Variants in ASTN1 observed in about 807,000 individuals in gnomAD.
The protein encoded by ASTN1 is astrotactin 1.
Under a neutral mutation model 140.7 loss-of-function variants are expected in ASTN1, and 41 were observed. The ratio of observed to expected loss-of-function variants is 0.29; its 90% CI spans 0.23 to 0.38. ASTN1 has a LOEUF of 0.38. Among genes scored for constraint, ASTN1 ranks in the 10% least tolerant of loss-of-function variants. ASTN1 has a pLI of 1.00. For synonymous variants in ASTN1, 640 were observed against 652.2 expected (o/e 0.98, Z 0.29); for missense variants, 1,479 against 1,678.8 (o/e 0.88, Z 2.08).
intron 20 of ASTN1, among the ~76,000 whole-genome samples, chr1:176,879,688 A>G (rs1668709224): frequency 2.0e-5 from 3 of 152,170 alleles, no homozygotes. Context: ...TAATTCTCAC[A>G]TTACCCCAAT....
At position 176,882,956 on chromosome 1, in the gene ASTN1, C is replaced by T; in HGVS notation, c.3265G>A (p.Ala1089Thr). 2.5e-6 allele frequency: 4 copies of T among 1,614,086 alleles called. No homozygotes were observed. Among genetic ancestry groups the T allele is most frequent in the Non-Finnish European group, 3.4e-6 (4 of 1,180,008 alleles). Residue 1089 changes from alanine to threonine, a missense_variant, in exon 20 of 23, where the codon GCA (alanine) becomes ACA (threonine). By Grantham distance (58) the Ala-to-Thr change is moderately conservative. Coordinates refer to ENST00000361833, the MANE Select transcript of ASTN1 (RefSeq NM_004319.3). ...GATGGCATTGCACAAGGAGACTTTGCTCCAGAGATGATGTCGTCCACAAAG... is the reference window on the plus strand; with the variant it reads ...GATGGCATTGCACAAGGAGACTTTGTTCCAGAGATGATGTCGTCCACAAAG... Reference protein sequence around the residue: ...LSFVDDIISGAKSPCAMPSQV... With the variant: ...LSFVDDIISGTKSPCAMPSQV...
chr1:177,096,879 T>A (rs1004567343), intron 1 of ASTN1, among the ~76,000 whole-genome samples: 1 of 152,076 alleles, frequency 6.6e-6, no homozygotes, highest in Non-Finnish European at 1.5e-5. Flanking sequence ...AATGCCCTTA[T>A]AAAAGAGGCC....
chr1:177,101,840 C>T (rs1680315424), intron 1 of ASTN1, among the ~76,000 whole-genome samples: 1 of 152,136 alleles, frequency 6.6e-6, no homozygotes, highest in African/African-American at 2.4e-5. Flanking sequence ...CCTTGTCTTC[C>T]CTCATCATTG....
intron 17 of ASTN1, among the ~76,000 whole-genome samples, chr1:176,893,711 C>T (rs983868191): frequency 6.6e-6 from 1 of 152,230 alleles, no homozygotes; most frequent in Non-Finnish European, 1.5e-5. Context: ...ACTCCTGCTG[C>T]CTTGTCCCCA....
At chr1:176,982,258 A>G (rs1264902535) in intron 8 of ASTN1, among the ~76,000 whole-genome samples, 2 of 152,202 alleles carry the variant, frequency 1.3e-5, no homozygotes, top group African/African-American at 4.8e-5. Context: ...ATCAGATTCC[A>G]AAGCCATGGC....
chr1:176,999,813 TG>T, intron 8 of ASTN1, among the ~76,000 whole-genome samples: 1 of 152,168 alleles, frequency 6.6e-6, no homozygotes, highest in South Asian at 2.1e-4. Flanking sequence ...TTTATGTGTC[TG>T]GCATTTCCCC....
intron 1 of ASTN1, among the ~76,000 whole-genome samples, chr1:177,100,338 C>G (rs557104939): frequency 1.3e-5 from 2 of 151,958 alleles, no homozygotes; most frequent in African/African-American, 2.4e-5. Flanking sequence ...TAAAAAAAAG[C>G]CTTAGGCAAC....
chr1:176,908,449 T>C (rs1413830028), intron 16 of ASTN1, among the ~76,000 whole-genome samples: 1 of 152,194 alleles, frequency 6.6e-6, no homozygotes, highest in Non-Finnish European at 1.5e-5. Context: ...AGCCCCGTCA[T>C]GTCTGAGTAA....
chr1:177,127,728 A>C (rs1048661930), intron 1 of ASTN1, among the ~76,000 whole-genome samples: 1 of 152,216 alleles, frequency 6.6e-6, no homozygotes, highest in African/African-American at 2.4e-5. Flanking sequence ...GCCATCTGAC[A>C]TATTTGGCCC....
intron 1 of ASTN1, among the ~76,000 whole-genome samples, chr1:177,145,848 T>C (rs375742445): frequency 6.6e-6 from 1 of 152,342 alleles, no homozygotes; most frequent in East Asian, 1.9e-4. Context: ...CTCCCTGGAA[T>C]ATCAGGGTCA....
At chr1:176,964,254 G>A (rs1387376796) in intron 9 of ASTN1, among the ~76,000 whole-genome samples, 1 of 152,136 alleles carries the variant, frequency 6.6e-6, no homozygotes, top group African/African-American at 2.4e-5. Context: ...TTTGTCCTAC[G>A]CTGCTCACCA....
chr1:177,081,485 G>A (rs1437889528), intron 1 of ASTN1, among the ~76,000 whole-genome samples: 1 of 152,114 alleles, frequency 6.6e-6, no homozygotes, highest in Non-Finnish European at 1.5e-5. Context: ...TAAAACAAGA[G>A]TGGCCCATCT....
chr1:177,080,122 C>A (rs191651484), intron 1 of ASTN1, among the ~76,000 whole-genome samples: 40 of 152,092 alleles, frequency 2.6e-4, no homozygotes, highest in Middle Eastern at 3.4e-3. Context: ...TCAATTTTCA[C>A]CTTGGATTTA....
chr1:176,995,583 C>A (rs1377710358), intron 8 of ASTN1, among the ~76,000 whole-genome samples: 6 of 152,090 alleles, frequency 3.9e-5, no homozygotes, highest in Non-Finnish European at 8.8e-5. Flanking sequence ...AATGTCATTG[C>A]AACATAAAAT....
chr1:176,974,251 A>T (rs1470627384), intron 8 of ASTN1, among the ~76,000 whole-genome samples: 1 of 152,194 alleles, frequency 6.6e-6, no homozygotes, highest in Non-Finnish European at 1.5e-5. Flanking sequence ...CTACCTCATC[A>T]ACTGCATAGG....
At chr1:177,047,724 C>G (rs889825832) in intron 2 of ASTN1, among the ~76,000 whole-genome samples, 4 of 152,032 alleles carry the variant, frequency 2.6e-5, no homozygotes, top group Non-Finnish European at 2.9e-5. Flanking sequence ...ATAAAATGAG[C>G]AGAGCATGGT....
rs1201641125 is a variant in ASTN1 at position 176,863,467 on chromosome 1, C to T, written c.*817G>A. 3 of 985,616 alleles carry T rather than the reference C, an allele frequency of 3.0e-6. No homozygotes were observed. In the African/African-American group the frequency reaches 5.2e-5, roughly 17 times the overall value. The allele number at this position is 985,616 out of a possible 1,614,324, so 61.1% of individuals were successfully genotyped here. ...CATGGTTTTTTTAAAAAACAATAAACTCCAAGTCTCCTCTTGAATGTGGAC... is the reference window on the plus strand; with the variant it reads ...CATGGTTTTTTTAAAAAACAATAAATTCCAAGTCTCCTCTTGAATGTGGAC... On this transcript the variant is annotated 3_prime_UTR_variant, in exon 23 of 23. Transcript: ENST00000361833.
In ASTN1 at chr1:177,110,714, G is replaced by C. The variant is rs148749487; in HGVS notation, c.284-49449C>G. 3.9e-3 allele frequency among the ~76,000 whole-genome samples: 600 copies of C among 152,242 alleles called. 9 individuals are homozygous for C. The highest frequency in any genetic ancestry group is 0.014 in the African/African-American group (575 of 41,568). ...TTTCTAGATAAGGTATAATCCCAAA[G>C]AGATTAGACAATGCCTCCAGGTCAC... On this transcript the variant is annotated intron_variant, in intron 1 of 22. Coordinates refer to ENST00000361833, the MANE Select transcript of ASTN1 (RefSeq NM_004319.3).
At chr1:177,164,308 C>A in intron 1 of ASTN1, 86 bp downstream of exon 1, 2 of 1,316,042 alleles carry the variant, frequency 1.5e-6, no homozygotes, top group Non-Finnish European at 2.0e-6. Context: ...AGGTCGTCGG[C>A]GAGTGGGTGT....
Sources: allele counts gnomAD v4.1 joint callset (sites outside exome capture counted in the v4.1 genomes callset), GRCh38; gene constraint gnomAD v4.1.1; transcripts MANE v1.5; gene names NCBI Gene and HGNC (gene_info 2026-07-23, HGNC 2026-07-21).